ACBD6: variants seen among roughly 807,000 people sequenced by gnomAD.
ACBD6 encodes acyl-CoA-binding domain-containing protein 6.
A neutral mutation model predicts 37.2 loss-of-function variants in ACBD6; 28 were observed. The ratio of observed to expected loss-of-function variants is 0.75; its 90% CI spans 0.56 to 1.03. The LOEUF (loss-of-function observed/expected upper bound fraction) is 1.03, where lower values mean the gene tolerates loss of function less well. Ranked by LOEUF, ACBD6 falls within the 50% of genes least tolerant of loss-of-function variation. The pLI, the probability that ACBD6 is intolerant of heterozygous loss-of-function variation, is 0.00. For synonymous variants in ACBD6, 113 were observed against 126.8 expected, an observed-to-expected ratio of 0.89 and a Z score of 0.73; for missense variants, 340 against 337.4, an observed-to-expected ratio of 1.01 and a Z score of -0.06.
At chr1:180,370,014 A>ATAT (rs1346941360) in intron 6 of ACBD6, among the ~76,000 whole-genome samples, 1 of 152,172 alleles carries the variant, frequency 6.6e-6, no homozygotes, top group Non-Finnish European at 1.5e-5. Flanking sequence ...CTTTGAGGCA[A>ATAT]TATTATTTCT....
At chr1:180,495,837 TTAAA>T (rs1651715468) in intron 1 of ACBD6, among the ~76,000 whole-genome samples, 1 of 152,176 alleles carries the variant, frequency 6.6e-6, no homozygotes, top group Admixed American at 6.5e-5. Context: ...TCAATATAGA[TTAAA>T]TACTCTTTAT....
intron 7 of ACBD6, among the ~76,000 whole-genome samples, chr1:180,304,509 T>C (rs986030524): frequency 4.0e-5 from 6 of 150,562 alleles, no homozygotes; most frequent in Admixed American, 2.7e-4. Context: ...CACAACTGCT[T>C]CAAAGAGAAT....
At chr1:180,494,369 G>A (rs1305814380) in intron 2 of ACBD6, among the ~76,000 whole-genome samples, 1 of 152,116 alleles carries the variant, frequency 6.6e-6, no homozygotes, top group African/African-American at 2.4e-5. Context: ...CACTGTCAAC[G>A]TTAACATCAG....
At chr1:180,404,595 C>G (rs960069442) in intron 5 of ACBD6, among the ~76,000 whole-genome samples, 4 of 152,054 alleles carry the variant, frequency 2.6e-5, no homozygotes, top group Non-Finnish European at 4.4e-5. Context: ...GCAGCTGGGA[C>G]TACAGGCATG....
intron 3 of ACBD6, among the ~76,000 whole-genome samples, chr1:180,477,709 T>A (rs1311290716): frequency 6.6e-6 from 1 of 152,178 alleles, no homozygotes; most frequent in Non-Finnish European, 1.5e-5. Flanking sequence ...TTTATTAAAA[T>A]CAGGAAAGAA....
downstream of ACBD6, among the ~76,000 whole-genome samples, chr1:180,287,578 CTT>C (rs72179174): frequency 0.13 from 9,221 of 71,746 alleles, 1,049 homozygotes; most frequent in East Asian, 0.39. Flanking sequence ...CAGATCTAAG[CTT>C]TTTTTTTTTT....
chr1:180,366,894 C>T (rs1482491822), intron 6 of ACBD6, among the ~76,000 whole-genome samples: 1 of 152,064 alleles, frequency 6.6e-6, no homozygotes, highest in African/African-American at 2.4e-5. Flanking sequence ...ACTATGACGG[C>T]AACACAATGC....
Position 180,396,307 on chromosome 1 carries a change from A to T in ACBD6, c.663+1209T>A, listed in dbSNP as rs189633255. Among the ~76,000 whole-genome samples, 11 of 152,342 alleles carry T rather than the reference A, an allele frequency of 7.2e-5. No individual in the cohort carries two copies. The East Asian group carries it at 1.9e-3, about 27-fold the overall frequency. On this transcript the variant is annotated intron_variant, in intron 6 of 7. Coordinates refer to ENST00000367595, the MANE Select transcript of ACBD6 (RefSeq NM_032360.4). ...TTAAAATGGTAAATTTTATGCTATGAGTATTTTACCACAATAAAAAAGAGG... is the reference window on the plus strand; with the variant it reads ...TTAAAATGGTAAATTTTATGCTATGTGTATTTTACCACAATAAAAAAGAGG...
intron 7 of ACBD6, among the ~76,000 whole-genome samples, chr1:180,309,202 C>T (rs1444976994): frequency 6.6e-6 from 1 of 152,184 alleles, no homozygotes; most frequent in Non-Finnish European, 1.5e-5. Flanking sequence ...CACCGTGCTA[C>T]ACCTTAACCT....
At chr1:180,499,465 C>T (rs1651864992) in intron 1 of ACBD6, among the ~76,000 whole-genome samples, 1 of 152,180 alleles carries the variant, frequency 6.6e-6, no homozygotes, top group African/African-American at 2.4e-5. Context: ...TTCATATTAT[C>T]TGGATGAAGT....
At position 180,398,646 on chromosome 1, in the gene ACBD6, G is replaced by A. The variant is rs1436652026; in HGVS notation, c.574-1041C>T. ...ACCAAAGACTCACAGTTACTATTACGTGTGTTATTTCTATTCTCTACTGCC... is the reference window on the plus strand; with the variant it reads ...ACCAAAGACTCACAGTTACTATTACATGTGTTATTTCTATTCTCTACTGCC... On this transcript the variant is annotated intron_variant, in intron 5 of 7. Coordinates refer to ENST00000367595, the MANE Select transcript of ACBD6 (RefSeq NM_032360.4). 2.0e-5 allele frequency among the ~76,000 whole-genome samples: 3 copies of A among 152,036 alleles called. No homozygotes were observed. In the East Asian group the frequency reaches 5.8e-4, roughly 29 times the overall value.
intron 6 of ACBD6, among the ~76,000 whole-genome samples, chr1:180,361,547 T>C (rs529507010): frequency 6.6e-6 from 1 of 152,278 alleles, no homozygotes; most frequent in African/African-American, 2.4e-5. Context: ...TGCTTCTCTG[T>C]TGAGCTTCTT....
chr1:180,339,861 G>C (rs1651909708), intron 6 of ACBD6, among the ~76,000 whole-genome samples: 1 of 151,744 alleles, frequency 6.6e-6, no homozygotes, highest in African/African-American at 2.4e-5. Context: ...AAGCAGGAAA[G>C]AAAGATACAG....
intron 6 of ACBD6, among the ~76,000 whole-genome samples, chr1:180,332,189 G>T (rs181570556): frequency 6.6e-6 from 1 of 152,300 alleles, no homozygotes; most frequent in African/African-American, 2.4e-5. Flanking sequence ...AAGCCACCTA[G>T]TTTGTGGCAC....
At chr1:180,374,745 A>C (rs376535997) in intron 6 of ACBD6, among the ~76,000 whole-genome samples, 10 of 152,330 alleles carry the variant, frequency 6.6e-5, no homozygotes, top group African/African-American at 2.4e-4. Context: ...TTACAGATAA[A>C]ATATTTGAAA....
chr1:180,412,159 T>C (rs1647888008), intron 5 of ACBD6, among the ~76,000 whole-genome samples: 1 of 149,528 alleles, frequency 6.7e-6, no homozygotes, highest in South Asian at 2.1e-4. Context: ...CTAATTAGAA[T>C]CAGAAGACCT....
chr1:180,367,579 CCCTT>C (rs901188234), intron 6 of ACBD6, among the ~76,000 whole-genome samples: 25 of 152,166 alleles, frequency 1.6e-4, no homozygotes, highest in Admixed American at 7.9e-4. Context: ...GTCTATTGTT[CCCTT>C]CCTTGTGTTC....
At chr1:180,280,338 C>T (rs1033970719) in intron 9 of ACBD6, among the ~76,000 whole-genome samples, 3 of 147,522 alleles carry the variant, frequency 2.0e-5, no homozygotes, top group Non-Finnish European at 4.5e-5. Flanking sequence ...GTTTTTTCTC[C>T]TTTCCTGGAT....
chr1:180,334,101 C>T (rs982536020), intron 6 of ACBD6, among the ~76,000 whole-genome samples: 3 of 152,202 alleles, frequency 2.0e-5, no homozygotes, highest in Non-Finnish European at 4.4e-5. Flanking sequence ...AGGGCATAGT[C>T]AAACAAAAGG....
Sources: gnomAD v4.1 joint callset for allele counts (sites outside exome capture counted in the v4.1 genomes callset) on GRCh38, gnomAD v4.1.1 for gene constraint, MANE v1.5 for transcripts, NCBI Gene and HGNC (gene_info 2026-07-23, HGNC 2026-07-21) for gene names.